TENM3: variants seen among roughly 807,000 people sequenced by gnomAD.
TENM3 encodes the protein teneurin transmembrane protein 3.
Under a neutral mutation model 255.1 loss-of-function variants are expected in TENM3, and 63 were observed. The observed-to-expected ratio is 0.25, with a 90% CI of 0.20 to 0.30. The LOEUF (loss-of-function observed/expected upper bound fraction) is 0.30. TENM3 is among the 10% of genes least tolerant of loss of function. The pLI, the probability that TENM3 is intolerant of heterozygous loss-of-function variation, is 1.00. For synonymous variants in TENM3, 1,306 were observed against 1,322.3 expected, an observed-to-expected ratio of 0.99 and a Z score of 0.27; for missense variants, 2,929 against 3,461.1, an observed-to-expected ratio of 0.85 and a Z score of 3.86.
At chr4:181,580,576 A>G in the TENM3 span, among the ~76,000 whole-genome samples, 4 of 152,202 alleles carry the variant, frequency 2.6e-5, no homozygotes, top group Non-Finnish European at 5.9e-5. Flanking sequence ...GCACCTGACT[A>G]TGCTTAAGAA....
At chr4:182,775,265 G>A (rs1764592705) in intron 24 of TENM3, 112 bp downstream of exon 24, 3 of 919,584 alleles carry the variant, frequency 3.3e-6, no homozygotes, top group Non-Finnish European at 5.1e-6. Flanking sequence ...CTGAGTATGA[G>A]CACCTCGCTC....
chr4:181,869,223 C>G, the TENM3 span, among the ~76,000 whole-genome samples: 1 of 152,072 alleles, frequency 6.6e-6, no homozygotes, highest in Non-Finnish European at 1.5e-5. Context: ...ATCTGTTACC[C>G]AGAAGAACTT....
At chr4:182,769,738 C>T (rs185990311) in intron 22 of TENM3, among the ~76,000 whole-genome samples, 15 of 151,336 alleles carry the variant, frequency 9.9e-5, no homozygotes, top group East Asian at 5.9e-4. Flanking sequence ...GAGCCAAGAT[C>T]GCACCACTGT....
intron 1 of TENM3, among the ~76,000 whole-genome samples, chr4:182,264,247 A>G (rs1329576582): frequency 9.2e-5 from 14 of 152,346 alleles, no homozygotes; most frequent in African/African-American, 3.4e-4. Context: ...TCAGGATGAA[A>G]CGTGGGCTTG....
At chr4:182,093,854 T>G in the TENM3 span, among the ~76,000 whole-genome samples, 25 of 152,246 alleles carry the variant, frequency 1.6e-4, no homozygotes, top group Admixed American at 3.3e-4. Flanking sequence ...CAGGAAACCA[T>G]GAAAGATTTC....
chr4:182,761,894 C>T (rs1435716907), intron 22 of TENM3, among the ~76,000 whole-genome samples: 3 of 151,812 alleles, frequency 2.0e-5, no homozygotes, highest in Non-Finnish European at 4.4e-5. Flanking sequence ...CGTGTATTTC[C>T]AGGGACATCA....
the TENM3 span, among the ~76,000 whole-genome samples, chr4:182,043,257 C>CA: frequency 1.3e-5 from 2 of 152,122 alleles, no homozygotes; most frequent in Non-Finnish European, 2.9e-5. Context: ...CTTCGGTATA[C>CA]AGGGTATCTG....
At chr4:182,092,906 C>G in the TENM3 span, among the ~76,000 whole-genome samples, 3 of 152,268 alleles carry the variant, frequency 2.0e-5, no homozygotes. Flanking sequence ...AGGCAAGATT[C>G]AAAGTAAAGT....
rs1579801518 is a variant in TENM3, at chr4:182,226,405, A to T, written c.-76+81651A>T. 2.6e-5 allele frequency among the ~76,000 whole-genome samples: 4 copies of T among 152,312 alleles called. No individual in the cohort carries two copies. In the South Asian group the frequency reaches 6.2e-4, roughly 24 times the overall value. ...ATTGGACAAGAAAGATGACTAATGGAATGTAATGAGTTTCTATTTCAACAA... is the reference window on the plus strand; with the variant it reads ...ATTGGACAAGAAAGATGACTAATGGTATGTAATGAGTTTCTATTTCAACAA... On this transcript the variant is annotated intron_variant, in intron 1 of 2. Coordinates refer to the TENM3 transcript ENST00000512480.
chr4:181,964,622 A>G, the TENM3 span, among the ~76,000 whole-genome samples: 2 of 152,022 alleles, frequency 1.3e-5, no homozygotes, highest in African/African-American at 4.8e-5. Flanking sequence ...CTGATCTCAA[A>G]TTGGGAATAG....
At chr4:181,812,210 G>A in the TENM3 span, among the ~76,000 whole-genome samples, 2 of 152,170 alleles carry the variant, frequency 1.3e-5, no homozygotes, top group African/African-American at 2.4e-5. Flanking sequence ...CATAATAACT[G>A]TAACAACGCT....
chr4:181,699,622 A>G, the TENM3 span, among the ~76,000 whole-genome samples: 1 of 152,262 alleles, frequency 6.6e-6, no homozygotes, highest in African/African-American at 2.4e-5. Context: ...ATTTAGGGCA[A>G]GAACTCTGAA....
At chr4:181,833,928 GC>G in the TENM3 span, among the ~76,000 whole-genome samples, 3 of 152,050 alleles carry the variant, frequency 2.0e-5, no homozygotes, top group Non-Finnish European at 4.4e-5. Context: ...ATTAAATCTT[GC>G]TTTCAAAATT....
the TENM3 span, among the ~76,000 whole-genome samples, chr4:181,970,323 G>T: frequency 9.9e-5 from 15 of 152,110 alleles, no homozygotes; most frequent in Non-Finnish European, 1.8e-4. Flanking sequence ...AGCAAATTAG[G>T]TCACTATTAT....
chr4:182,640,979 G>A (rs928176571), intron 5 of TENM3, among the ~76,000 whole-genome samples: 1 of 152,136 alleles, frequency 6.6e-6, no homozygotes, highest in Non-Finnish European at 1.5e-5. Context: ...GGTGCTGCAG[G>A]CACCCAGAGG....
the TENM3 span, among the ~76,000 whole-genome samples, chr4:182,027,348 T>C: frequency 0.054 from 8,240 of 152,230 alleles, 767 homozygotes; most frequent in African/African-American, 0.19. Context: ...TAACTGGATT[T>C]GTGTATCAGT....
At chr4:182,772,045 C>T (rs1764277515) in intron 22 of TENM3, among the ~76,000 whole-genome samples, 1 of 152,162 alleles carries the variant, frequency 6.6e-6, no homozygotes, top group African/African-American at 2.4e-5. Context: ...TCACCGGGCA[C>T]GGAACAGACC....
chr4:182,286,567 T>G (rs1019255683), intron 1 of TENM3, among the ~76,000 whole-genome samples: 1 of 152,194 alleles, frequency 6.6e-6, no homozygotes, highest in African/African-American at 2.4e-5. Context: ...TGCAGAAGGT[T>G]GTGGGTGGTG....
At chr4:182,301,934 T>C (rs1761878020) in intron 1 of TENM3, among the ~76,000 whole-genome samples, 1 of 152,208 alleles carries the variant, frequency 6.6e-6, no homozygotes, top group African/African-American at 2.4e-5. Flanking sequence ...CTGTGCTTCC[T>C]TGGGACACGC....
Sources: gnomAD v4.1 joint callset for allele counts (sites outside exome capture counted in the v4.1 genomes callset) on GRCh38, gnomAD v4.1.1 for gene constraint, MANE v1.5 for transcripts, NCBI Gene and HGNC (gene_info 2026-07-23, HGNC 2026-07-21) for gene names.